Variants in CEP120 observed in about 807,000 individuals in gnomAD.
CEP120 encodes the protein centrosomal protein 120.
A neutral mutation model predicts 126.5 loss-of-function variants in CEP120; 113 were observed. The observed-to-expected ratio is 0.89, with a 90% CI of 0.77 to 1.04. The LOEUF (loss-of-function observed/expected upper bound fraction) is 1.04, where lower values mean the gene tolerates loss of function less well. Among genes scored for constraint, CEP120 ranks in the 50% least tolerant of loss-of-function variants. CEP120 has a pLI of 0.00. For missense variants in CEP120, 1,230 were observed against 1,155.7 expected (o/e 1.06, Z -0.93); for synonymous variants, 400 against 394.3 (o/e 1.01, Z -0.17).
intron 5 of CEP120, among the ~76,000 whole-genome samples, chr5:123,394,996 T>C (rs1186493506): frequency 6.6e-6 from 1 of 152,246 alleles, no homozygotes; most frequent in Non-Finnish European, 1.5e-5. Context: ...GCTGTTGTTA[T>C]GTGAGAATGG....
rs1768731873 is a variant in CEP120 at position 123,345,316 on chromosome 5, TAAGA to T, written c.*1199_*1202del. ...AATATAGGGACTTTAATTTCCCTAA[TAAGA>T]AATATACCTCATTTGAAATGACCGA... is the stretch of plus-strand genomic sequence containing the variant. On this transcript the variant is annotated 3_prime_UTR_variant, in exon 20 of 20. Coordinates refer to ENST00000306467, the MANE Select transcript of CEP120 (RefSeq NM_001375405.1). 6.6e-6 allele frequency: 1 copy of T among 152,146 alleles called. No individual in the cohort carries two copies. The highest frequency in any genetic ancestry group is 2.4e-5 in the African/African-American group (1 of 41,448). The allele number at this position is 152,146 out of a possible 1,614,324, so 9.4% of individuals were successfully genotyped here. A position where few individuals can be genotyped will look rare whatever the true frequency, so the allele number is the denominator to read the frequency against.
Position 123,364,562 on chromosome 5 carries a change from A to AG in CEP120, c.2513dup (p.Lys839Ter). 2.5e-6 allele frequency: 4 copies of AG among 1,606,198 alleles called. No individual in the cohort carries two copies. Among genetic ancestry groups the AG allele is most frequent in the Non-Finnish European group, 3.4e-6 (4 of 1,175,014 alleles). On this transcript the variant is annotated frameshift_variant, in exon 18 of 20. Transcript: ENST00000306467. LOFTEE classifies it high-confidence loss of function. ...GCTGCTTGTAATGCAGTTTAGACTT[A>AG]GTTGCAGATTCCAACTTTCTTTCAA...
At position 123,382,822 on chromosome 5, in the gene CEP120, G is replaced by T. The variant is rs147996416; in HGVS notation, c.1928C>A (p.Thr643Lys). The part of the protein sequence containing the change: ...PPAPCPSEIQ[T>K]EPRETLEYKA... ...GTATTCTAACGTTTCACGAGGCTCT[G>T]TCTGGATCTCTGAAGGACAAGGTGC... Residue 643 changes from threonine (T) to lysine (K), a missense_variant, in exon 13 of 20, where the codon ACA (threonine) becomes AAA (lysine). Transcript: ENST00000306467. 1 of 1,613,458 alleles carries T rather than the reference G, an allele frequency of 6.2e-7. No homozygotes were observed.
intron 16 of CEP120, among the ~76,000 whole-genome samples, chr5:123,376,048 C>T (rs1481763614): frequency 6.6e-6 from 1 of 151,066 alleles, no homozygotes; most frequent in South Asian, 2.1e-4. Context: ...TGACAACTGG[C>T]CTGGACTCCT....
Position 123,402,313 on chromosome 5 carries a change from T to C in CEP120, c.464-3029A>G. Reference sequence around the variant, plus strand: ...GCCCGGGGGCCAGAGGTGGACACCTTGTAGGACTTCTGGGTCCCCTAATGG... The same window carrying C: ...GCCCGGGGGCCAGAGGTGGACACCTCGTAGGACTTCTGGGTCCCCTAATGG... On this transcript the variant is annotated intron_variant, in intron 4 of 19. Transcript: ENST00000306467. 7.6e-6 allele frequency: 11 copies of C among 1,453,646 alleles called. No individual in the cohort carries two copies. The South Asian group carries it at 1.5e-4, about 19-fold the overall frequency. 90.0% of individuals were successfully genotyped at this position (1,453,646 alleles called of 1,614,324 possible).
rs749859731 is a variant in CEP120 at position 123,369,348 on chromosome 5, T to A, written c.2481+3302A>T. On this transcript the variant is annotated intron_variant, in intron 17 of 19. Transcript: ENST00000306467. ...CCTTACTACCTCCATTTAAAAGATA[T>A]GGAAATAAGTACAGAGAAGTAAACT... is the stretch of plus-strand genomic sequence containing the variant. Among the ~76,000 whole-genome samples, 3 of 152,032 alleles carry A rather than the reference T, an allele frequency of 2.0e-5. No homozygotes were observed. In the East Asian group the frequency reaches 5.8e-4, roughly 29 times the overall value.
At chr5:123,367,371 T>C (rs929263257) in intron 17 of CEP120, among the ~76,000 whole-genome samples, 2 of 151,486 alleles carry the variant, frequency 1.3e-5, no homozygotes, top group African/African-American at 2.4e-5. Context: ...CCTTCAATAT[T>C]TCATTTTTTA....
At chr5:123,375,179 C>A (rs990436336) in intron 16 of CEP120, among the ~76,000 whole-genome samples, 3 of 152,070 alleles carry the variant, frequency 2.0e-5, no homozygotes, top group Admixed American at 2.0e-4. Flanking sequence ...CTTCCTACCC[C>A]CTTTTTTTCC....
At chr5:123,374,277 G>A (rs1362255603) in intron 16 of CEP120, among the ~76,000 whole-genome samples, 1 of 152,034 alleles carries the variant, frequency 6.6e-6, no homozygotes, top group East Asian at 1.9e-4. Flanking sequence ...TTGAGGCAAT[G>A]TCAAAGACCT....
At chr5:123,365,902 T>C (rs1398840330) in intron 17 of CEP120, among the ~76,000 whole-genome samples, 1 of 151,380 alleles carries the variant, frequency 6.6e-6, no homozygotes, top group African/African-American at 2.4e-5. Context: ...AGGCCAGAGA[T>C]GAACCTAGAG....
At chr5:123,352,324 C>A (rs1769248321) in intron 18 of CEP120, among the ~76,000 whole-genome samples, 1 of 151,986 alleles carries the variant, frequency 6.6e-6, no homozygotes, top group Non-Finnish European at 1.5e-5. Flanking sequence ...TTTTGGTTAA[C>A]CGTGCTCTTT....
Position 123,346,337 on chromosome 5 carries a change from AG to A in CEP120, c.*181del. On this transcript the variant is annotated 3_prime_UTR_variant, in exon 20 of 20. Transcript: ENST00000306467. ...ATAAATGCAAATTACAAATAAAACC[AG>A]TGTGGGAGAGGTAGCATAAAGTAAA... is the stretch of plus-strand genomic sequence containing the variant. 1 of 458,286 alleles carries A rather than the reference AG, an allele frequency of 2.2e-6. No individual in the cohort carries two copies. Among genetic ancestry groups the A allele is most frequent in the East Asian group, 3.3e-5 (1 of 30,014 alleles). 28.4% of individuals were successfully genotyped at this position (458,286 alleles called of 1,614,324 possible).
In CEP120 at chr5:123,384,823, G is replaced by C. The variant is rs1328163444; in HGVS notation, c.1763+128C>G. ...AGGTCAGAGAAGATCAGAAAAAGGAGGTTATGAAAGGGTGAAGTGGTGGAT... is the reference window on the plus strand; with the variant it reads ...AGGTCAGAGAAGATCAGAAAAAGGACGTTATGAAAGGGTGAAGTGGTGGAT... On this transcript the variant is annotated intron_variant, in intron 11 of 19. Transcript: ENST00000306467. 10 of 747,400 alleles carry C rather than the reference G, an allele frequency of 1.3e-5. No individual in the cohort carries two copies. The East Asian group carries it at 2.7e-4, about 20-fold the overall frequency. 46.3% of individuals were successfully genotyped at this position (747,400 alleles called of 1,614,324 possible).
chr5:123,391,013 T>C, intron 7 of CEP120, 97 bp downstream of exon 7: 2 of 806,332 alleles, frequency 2.5e-6, no homozygotes, highest in Non-Finnish European at 2.0e-6. Context: ...TTAATAAATA[T>C]ATCCTTATGA....
chr5:123,350,144 A>G, intron 18 of CEP120, 55 bp from the exon 19 acceptor site: 1 of 1,462,870 alleles, frequency 6.8e-7, no homozygotes, highest in Non-Finnish European at 9.4e-7. Flanking sequence ...CAAATATTTT[A>G]TATGACTTTG....
intron 8 of CEP120, 98 bp from the exon 9 acceptor site, chr5:123,388,704 A>G: frequency 1.0e-6 from 1 of 969,838 alleles, no homozygotes. Flanking sequence ...TTTACCTTTA[A>G]GCAGGAATTG....
intron 4 of CEP120, among the ~76,000 whole-genome samples, chr5:123,407,925 A>T (rs1053556102): frequency 6.6e-6 from 1 of 152,208 alleles, no homozygotes; most frequent in African/African-American, 2.4e-5. Context: ...AAATACTTTG[A>T]GATTAAACAA....
intron 18 of CEP120, among the ~76,000 whole-genome samples, chr5:123,354,533 GCT>G (rs930667670): frequency 6.6e-6 from 1 of 151,862 alleles, no homozygotes; most frequent in African/African-American, 2.4e-5. Context: ...TCTCTTTTTA[GCT>G]CTATTAATTT....
Position 123,346,761 on chromosome 5 carries a change from G to A in CEP120, c.2727-8C>T. ...TGCTCTTGTTGCCTTAACCTGAGAAGTCAAGAACAAATGCCACTGTAGCAA... is the reference window on the plus strand; with the variant it reads ...TGCTCTTGTTGCCTTAACCTGAGAAATCAAGAACAAATGCCACTGTAGCAA... On this transcript the variant is annotated splice_region_variant and splice_polypyrimidine_tract_variant and intron_variant, in intron 19 of 19. Transcript: ENST00000306467. 1 of 1,572,830 alleles carries A rather than the reference G, an allele frequency of 6.4e-7. No homozygotes were observed. The highest frequency in any genetic ancestry group is 8.6e-7 in the Non-Finnish European group (1 of 1,162,716).
Sources: allele counts gnomAD v4.1 joint callset (sites outside exome capture counted in the v4.1 genomes callset), GRCh38; gene constraint gnomAD v4.1.1; transcripts MANE v1.5; gene names NCBI Gene and HGNC (gene_info 2026-07-23, HGNC 2026-07-21).